Variants in ITGAX observed in about 807,000 individuals in gnomAD.
ITGAX encodes the protein integrin subunit alpha X.
ITGAX carries 99 observed loss-of-function variants against 140.2 expected under a neutral mutation model. The observed-to-expected ratio is 0.71, with a 90% CI of 0.60 to 0.83. The LOEUF is 0.83. Ranked by LOEUF, ITGAX falls within the 40% of genes least tolerant of loss-of-function variation. ITGAX has a pLI of 0.00. For synonymous variants in ITGAX, 631 were observed against 600.4 expected, an observed-to-expected ratio of 1.05 and a Z score of -0.75; for missense variants, 1,444 against 1,482.0, an observed-to-expected ratio of 0.97 and a Z score of 0.42.
rs769079201 is a variant in ITGAX, at chr16:31,377,169, C to A, written c.2706-13C>A. 1 of 1,613,824 alleles carries A rather than the reference C, an allele frequency of 6.2e-7. No homozygotes were observed. The highest frequency in any genetic ancestry group is 8.5e-7 in the Non-Finnish European group (1 of 1,179,708). ...TGGGGCCTCTGGCAACTGAGTCTCT[C>A]CTCTTTCTCCAGTGAGAACAACACT... is the stretch of plus-strand genomic sequence containing the variant. On this transcript the variant is annotated splice_polypyrimidine_tract_variant and intron_variant, in intron 22 of 29. Coordinates refer to ENST00000268296, the MANE Select transcript of ITGAX (RefSeq NM_000887.5).
rs2080763446 is a variant in ITGAX at position 31,356,687 on chromosome 16, G to A, written c.206G>A (p.Cys69Tyr). 1.3e-6 allele frequency: 2 copies of A among 1,599,390 alleles called. No homozygotes were observed. The highest frequency in any genetic ancestry group is 1.7e-6 in the Non-Finnish European group (2 of 1,174,322). The change falls in exon 3 of 30, where the codon TGT becomes TAT. Residue 69 changes from cysteine to tyrosine, a missense_variant. Coordinates refer to ENST00000268296, the MANE Select transcript of ITGAX (RefSeq NM_000887.5). ...AACCAAACGGGTGGCCTCTACCAGT[G>A]TGGCTACAGCACTGGTGCCTGTGAG... ...AANQTGGLYQ[C>Y]GYSTGACEPI...
intron 20 of ITGAX, among the ~76,000 whole-genome samples, chr16:31,375,123 C>A (rs1829947333): frequency 6.6e-6 from 1 of 152,228 alleles, no homozygotes; most frequent in East Asian, 1.9e-4. Flanking sequence ...TCAAGCAATT[C>A]TTGTGCCTCA....
Position 31,377,035 on chromosome 16 carries a change from G to A in ITGAX, c.2661G>A (p.Lys887=). 1 of 1,614,178 alleles carries A rather than the reference G, an allele frequency of 6.2e-7. No homozygotes were observed. Among genetic ancestry groups the A allele is most frequent in the Non-Finnish European group, 8.5e-7 (1 of 1,180,042 alleles). ...TGGCTACCTTTGACGTCTCCCCCAA[G>A]GCTGTCCTGGGAGACCGGCTGCTTC... ...TFLATFDVSP[K]AVLGDRLLLT... is the part of the protein sequence containing the mutation. Residue 887 remains lysine, a synonymous_variant, in exon 22 of 30, where the codon AAG becomes AAA. Transcript: ENST00000268296.
intron 5 of ITGAX, 51 bp downstream of exon 5, chr16:31,357,415 G>C (rs1265849165): frequency 1.7e-6 from 2 of 1,190,150 alleles, no homozygotes; most frequent in Non-Finnish European, 2.4e-6. Flanking sequence ...CATCCAATTG[G>C]GGGTGCGGTG....
At chr16:31,369,289 ACCCCCCCCC>A (rs34126382) in intron 14 of ITGAX, among the ~76,000 whole-genome samples, 1 of 121,110 alleles carries the variant, frequency 8.3e-6, no homozygotes, top group Non-Finnish European at 1.8e-5. Context: ...CGGGGGGCTG[ACCCCCCCCC>A]CCACCTCCCT....
At position 31,382,478 on chromosome 16, in the gene ITGAX, C is replaced by A; in HGVS notation, c.*571C>A. 2 of 1,523,448 alleles carry A rather than the reference C, an allele frequency of 1.3e-6. No homozygotes were observed. The highest frequency in any genetic ancestry group is 1.4e-5 in the African/African-American group (1 of 72,876). The allele number at this position is 1,523,448 out of a possible 1,614,324, so 94.4% of individuals were successfully genotyped here. ...ACCTGTCTTCAACAGCTCCCCATTA[C>A]CCTCAGGACAATGTCTGAACTCTCC... is the stretch of plus-strand genomic sequence containing the variant. On this transcript the variant is annotated 3_prime_UTR_variant, in exon 30 of 30. Coordinates refer to ENST00000268296, the MANE Select transcript of ITGAX (RefSeq NM_000887.5).
chr16:31,381,941 G>A lies in ITGAX; in HGVS notation c.*34G>A. ...TTGCCTTGGACTTCTTCTCCCCCGC[G>A]AGTTTTCCCCACTTACTTACCCTCA... On this transcript the variant is annotated 3_prime_UTR_variant, in exon 30 of 30. Coordinates refer to ENST00000268296, the MANE Select transcript of ITGAX (RefSeq NM_000887.5). 2 of 1,146,254 alleles carry A rather than the reference G, an allele frequency of 1.7e-6. No homozygotes were observed. Among genetic ancestry groups the A allele is most frequent in the Non-Finnish European group, 2.7e-6 (2 of 754,352 alleles). 71.0% of individuals were successfully genotyped at this position (1,146,254 alleles called of 1,614,324 possible).
intron 5 of ITGAX, chr16:31,357,602 G>T: frequency 1.9e-6 from 1 of 534,170 alleles, no homozygotes; most frequent in South Asian, 2.8e-5. Context: ...TCTGTTGGAT[G>T]GGGATAATAA....
In ITGAX at chr16:31,372,482, C is replaced by A; in HGVS notation, c.2265C>A (p.Ala755=). The change falls in exon 18 of 30, where the codon GCC becomes GCA. Residue 755 remains alanine (A), a synonymous_variant. Coordinates refer to ENST00000268296, the MANE Select transcript of ITGAX (RefSeq NM_000887.5). ...GAAACCTGCGGCCTATGCTGGCCGC[C>A]GATGCTCAGAGATACTTCACGGCCT... is the stretch of plus-strand genomic sequence containing the variant. ...AFRNLRPMLA[A]DAQRYFTASL... 6.2e-7 allele frequency: 1 copy of A among 1,607,674 alleles called. No individual in the cohort carries two copies. Among genetic ancestry groups the A allele is most frequent in the Non-Finnish European group, 8.5e-7 (1 of 1,178,428 alleles).
intron 14 of ITGAX, among the ~76,000 whole-genome samples, chr16:31,369,433 T>C (rs2080932692): frequency 6.6e-6 from 1 of 152,244 alleles, no homozygotes; most frequent in African/African-American, 2.4e-5. Context: ...GGCCAAATGT[T>C]ATCAACCAGC....
At position 31,376,794 on chromosome 16, in the gene ITGAX, C is replaced by T. The variant is rs769953264; in HGVS notation, c.2509-5C>T. On this transcript the variant is annotated splice_polypyrimidine_tract_variant and splice_region_variant and intron_variant, in intron 20 of 29. Coordinates refer to ENST00000268296, the MANE Select transcript of ITGAX (RefSeq NM_000887.5). ...TAATACTCCTCTACTTTTTCTCATGCCTAGAAACAAGGGCAGCTGCGTTCC... is the reference window on the plus strand; with the variant it reads ...TAATACTCCTCTACTTTTTCTCATGTCTAGAAACAAGGGCAGCTGCGTTCC... 43 of 1,613,412 alleles carry T rather than the reference C, an allele frequency of 2.7e-5. No individual in the cohort carries two copies. The Middle Eastern group carries it at 8.2e-4, about 31-fold the overall frequency.
Position 31,365,281 on chromosome 16 carries a change from G to A in ITGAX, c.1710+1907G>A, listed in dbSNP as rs2142501455. Among the ~76,000 whole-genome samples the A allele has an allele frequency of 2.0e-5, 3 of 152,266 alleles. No homozygotes were observed. The Middle Eastern group carries it at 0.01, about 518-fold the overall frequency. ...GGGGTAGTGGAAATGTTCTAAAATT[G>A]ATTGTGGTAGTGGTTTCACAACTCT... On this transcript the variant is annotated intron_variant, in intron 14 of 29. Coordinates refer to ENST00000268296, the MANE Select transcript of ITGAX (RefSeq NM_000887.5).
chr16:31,376,909 C>A lies in ITGAX; in HGVS notation c.2619C>A (p.Gly873=), dbSNP rs768285925. The change falls in exon 21 of 30, where the codon GGC becomes GGA. Residue 873 remains glycine (G), a synonymous_variant. Transcript: ENST00000268296. ...TCAACCACCTCATCTTCCGTGGCGG[C>A]GCCCAGGTCAGCCTGGCTTCTGTCC... ...CRINHLIFRG[G]AQITFLATFD... is the part of the protein sequence containing the mutation. 4 of 1,614,068 alleles carry A rather than the reference C, an allele frequency of 2.5e-6. No individual in the cohort carries two copies. The highest frequency in any genetic ancestry group is 3.4e-6 in the Non-Finnish European group (4 of 1,180,020).
At chr16:31,363,528 C>T (rs1443814370) in intron 14 of ITGAX, among the ~76,000 whole-genome samples, 154 bp downstream of exon 14, 2 of 152,214 alleles carry the variant, frequency 1.3e-5, no homozygotes, top group African/African-American at 4.8e-5. Context: ...CTCACTGCAA[C>T]CTCCGCCTCC....
At chr16:31,375,120 A>T (rs2081008095) in intron 20 of ITGAX, among the ~76,000 whole-genome samples, 1 of 152,056 alleles carries the variant, frequency 6.6e-6, no homozygotes, top group African/African-American at 2.4e-5. Flanking sequence ...AATTCAAGCA[A>T]TTCTTGTGCC....
chr16:31,361,581 C>A (rs1017453091), intron 9 of ITGAX: 2 of 710,550 alleles, frequency 2.8e-6, no homozygotes, highest in African/African-American at 1.8e-5. Context: ...GGACACCTGG[C>A]CCCCTCGGGT....
chr16:31,375,285 G>A (rs2081009761), intron 20 of ITGAX, among the ~76,000 whole-genome samples: 1 of 152,148 alleles, frequency 6.6e-6, no homozygotes, highest in Non-Finnish European at 1.5e-5. Flanking sequence ...CAAAGTACTA[G>A]GATTACAGGC....
rs749635813 is a variant in ITGAX at position 31,372,670 on chromosome 16, G to A, written c.2366G>A (p.Gly789Asp). 2.5e-6 allele frequency: 4 copies of A among 1,613,610 alleles called. No homozygotes were observed. The highest frequency in any genetic ancestry group is 3.4e-6 in the Non-Finnish European group (4 of 1,179,790). The change falls in exon 19 of 30, where the codon GGC becomes GAC. Residue 789 changes from glycine to aspartate, a missense_variant and splice_region_variant. By Grantham distance (94) the Gly-to-Asp change is moderately conservative (BLOSUM62 -1). Transcript: ENST00000268296. ...DNLGISFSFP[G>D]LKSLLVGSNL... ...CTCGGCATCTCCTTCAGCTTCCCAGGGTGAGCGCCCCCACCTTAGACCTGC... is the reference window on the plus strand; with the variant it reads ...CTCGGCATCTCCTTCAGCTTCCCAGAGTGAGCGCCCCCACCTTAGACCTGC...
rs2080958570 is a variant in ITGAX at position 31,371,446 on chromosome 16, T to A, written c.1954T>A (p.Ser652Thr). The change falls in exon 16 of 30, where the codon TCC (serine) becomes ACC (threonine). Residue 652 changes from serine to threonine, a missense_variant. By Grantham distance (58) the Ser-to-Thr change is moderately conservative. Coordinates refer to ENST00000268296, the MANE Select transcript of ITGAX (RefSeq NM_000887.5). ...GGTCTCTGAGCAGACCCTGGTACAG[T>A]CCAACATCTGCCTTTACATTGACAA... ...QVVSEQTLVQSNICLYIDKRS... is the reference protein window; with the variant it reads ...QVVSEQTLVQTNICLYIDKRS... 1 of 1,613,990 alleles carries A rather than the reference T, an allele frequency of 6.2e-7. No individual in the cohort carries two copies. The highest frequency in any genetic ancestry group is 1.7e-5 in the Admixed American group (1 of 59,986).
Sources: gnomAD v4.1 joint callset for allele counts (sites outside exome capture counted in the v4.1 genomes callset) on GRCh38, gnomAD v4.1.1 for gene constraint, MANE v1.5 for transcripts, NCBI Gene and HGNC (gene_info 2026-07-23, HGNC 2026-07-21) for gene names.